NIPBL: variants seen among roughly 807,000 people sequenced by gnomAD.
NIPBL encodes NIPBL cohesin loading factor, also known as nipped-B-like protein.
NIPBL carries 19 observed loss-of-function variants against 321.8 expected under a neutral mutation model. The ratio of observed to expected loss-of-function variants is 0.06; its 90% CI spans 0.04 to 0.09. NIPBL has a LOEUF of 0.09. Among genes scored for constraint, NIPBL ranks in the 10% least tolerant of loss-of-function variants. The pLI is 1.00. For missense variants in NIPBL, 2,210 were observed against 3,327.0 expected (o/e 0.66, Z 8.26); for synonymous variants, 1,106 against 1,114.1 (o/e 0.99, Z 0.14).
At chr5:37,046,330 T>C in intron 38 of NIPBL, 131 bp downstream of exon 38, 1 of 645,664 alleles carries the variant, frequency 1.5e-6, no homozygotes. Flanking sequence ...GTATAGAATG[T>C]AGGTCTGAGG....
chr5:37,015,989 A>AC (rs1748943028), intron 22 of NIPBL, 49 bp from the exon 23 acceptor site: 2 of 1,599,542 alleles, frequency 1.3e-6, no homozygotes, highest in African/African-American at 2.7e-5. Flanking sequence ...CAGATGACTG[A>AC]CATGTGTCAC....
chr5:36,980,994 T>G (rs937812224), intron 9 of NIPBL, among the ~76,000 whole-genome samples: 1 of 151,740 alleles, frequency 6.6e-6, no homozygotes, highest in Non-Finnish European at 1.5e-5. Flanking sequence ...GTGGTGGTTT[T>G]AGAGCCCTTA....
At chr5:36,981,320 G>T (rs1744110418) in intron 9 of NIPBL, among the ~76,000 whole-genome samples, 1 of 151,660 alleles carries the variant, frequency 6.6e-6, no homozygotes, top group Non-Finnish European at 1.5e-5. Flanking sequence ...TAGAATATTT[G>T]TGGAATTCAA....
chr5:36,941,921 T>G (rs1254392563), intron 1 of NIPBL, among the ~76,000 whole-genome samples: 1 of 152,108 alleles, frequency 6.6e-6, no homozygotes, highest in South Asian at 2.1e-4. Flanking sequence ...TAGAAAAAAA[T>G]ACATCCCTAA....
chr5:37,040,229 C>A (rs1752180612), intron 34 of NIPBL, among the ~76,000 whole-genome samples: 1 of 151,872 alleles, frequency 6.6e-6, no homozygotes, highest in African/African-American at 2.4e-5. Flanking sequence ...TTTAAAATGT[C>A]TTGTGCATTT....
intron 1 of NIPBL, among the ~76,000 whole-genome samples, chr5:36,887,938 A>G (rs1746039718): frequency 6.6e-6 from 1 of 152,178 alleles, no homozygotes; most frequent in South Asian, 2.1e-4. Flanking sequence ...TGTTTTCACT[A>G]TCAACTCATT....
At chr5:36,973,443 A>G (rs1204180295) in intron 8 of NIPBL, among the ~76,000 whole-genome samples, 1 of 151,642 alleles carries the variant, frequency 6.6e-6, no homozygotes, top group Non-Finnish European at 1.5e-5. Flanking sequence ...GATTTGCTGC[A>G]CCTATCAACC....
Position 36,953,281 on chromosome 5 carries a change from A to G in NIPBL, c.-79-337A>G, listed in dbSNP as rs529749454. On this transcript the variant is annotated intron_variant, in intron 1 of 46. Coordinates refer to ENST00000282516, the MANE Select transcript of NIPBL (RefSeq NM_133433.4). ...GTTGATCAAGTATTCCTTTCTAGCA[A>G]TCCAGCCTAGCAGTTAAGAAACAAA... 3.3e-5 allele frequency among the ~76,000 whole-genome samples: 5 copies of G among 152,338 alleles called. No individual in the cohort carries two copies. The South Asian group carries it at 1.0e-3, about 32-fold the overall frequency.
rs1259617961 is a variant in NIPBL, at chr5:36,976,409, T to G, written c.1495+7T>G. 1.3e-6 allele frequency: 2 copies of G among 1,592,888 alleles called. No individual in the cohort carries two copies. The highest frequency in any genetic ancestry group is 2.2e-5 in the South Asian group (2 of 91,000). The stretch of plus-strand genomic sequence containing the variant: ...AAAGAAGTTCAAGATAAAGGTAAAA[T>G]AATCTCATTATTACCACTTCATCAT... On this transcript the variant is annotated splice_region_variant and intron_variant, in intron 9 of 46. Transcript: ENST00000282516.
chr5:37,038,814 AACC>A lies in NIPBL; in HGVS notation c.6108+79_6108+81del, dbSNP rs1346610480. ...TTTAAATTTAGAGTTCACATGCGTC[AACC>A]ACATTCTCACTGACAGATCAACTGT... On this transcript the variant is annotated intron_variant, in intron 34 of 46. Coordinates refer to ENST00000282516, the MANE Select transcript of NIPBL (RefSeq NM_133433.4). 9.8e-6 allele frequency: 14 copies of A among 1,429,096 alleles called. No individual in the cohort carries two copies. The African/African-American group carries it at 1.3e-4, about 13-fold the overall frequency. The allele number at this position is 1,429,096 out of a possible 1,614,324, so 88.5% of individuals were successfully genotyped here. A position where few individuals can be genotyped will look rare whatever the true frequency, so the allele number is the denominator to read the frequency against.
At chr5:37,057,828 A>C (rs1039673485) in intron 43 of NIPBL, among the ~76,000 whole-genome samples, 2 of 152,126 alleles carry the variant, frequency 1.3e-5, no homozygotes, top group African/African-American at 4.8e-5. Context: ...TGAACCTTCC[A>C]TTGTTTCTGT....
chr5:37,028,311 T>C (rs1390633550), intron 32 of NIPBL, among the ~76,000 whole-genome samples: 1 of 151,154 alleles, frequency 6.6e-6, no homozygotes, highest in African/African-American at 2.4e-5. Context: ...TTTCTTTCTT[T>C]CTTCTTTTGT....
At chr5:36,992,757 T>TATTTATTC (rs1234587827) in intron 10 of NIPBL, among the ~76,000 whole-genome samples, 1 of 139,814 alleles carries the variant, frequency 7.2e-6, no homozygotes, top group African/African-American at 2.8e-5. Context: ...TTTATTTATT[T>TATTTATTC]ATTGAGATGG....
chr5:36,995,554 AC>A (rs1340356868), intron 10 of NIPBL, 67 bp from the exon 11 acceptor site: 1 of 1,025,868 alleles, frequency 9.7e-7, no homozygotes, highest in Non-Finnish European at 1.5e-6. Flanking sequence ...TATTATGCTA[AC>A]TTAGTTAAAA....
intron 21 of NIPBL, among the ~76,000 whole-genome samples, chr5:37,011,415 C>A (rs1019459299): frequency 1.2e-4 from 19 of 152,044 alleles, no homozygotes; most frequent in Non-Finnish European, 8.8e-5. Flanking sequence ...ATTAGCTGGT[C>A]ATGTTGTTGT....
intron 29 of NIPBL, among the ~76,000 whole-genome samples, 188 bp downstream of exon 29, chr5:37,022,578 A>C (rs1279535101): frequency 6.6e-6 from 1 of 152,252 alleles, no homozygotes; most frequent in Non-Finnish European, 1.5e-5. Context: ...ATATCATAAA[A>C]CAAATCATTG....
intron 1 of NIPBL, among the ~76,000 whole-genome samples, chr5:36,917,722 A>G (rs1330519175): frequency 3.3e-5 from 5 of 152,218 alleles, no homozygotes; most frequent in Non-Finnish European, 7.3e-5. Context: ...GAAGGGATTC[A>G]GTTTCAACTT....
At chr5:36,946,254 G>C (rs1346265971) in intron 1 of NIPBL, among the ~76,000 whole-genome samples, 1 of 151,836 alleles carries the variant, frequency 6.6e-6, no homozygotes, top group African/African-American at 2.4e-5. Flanking sequence ...TATGTTAACA[G>C]ATTTACCCTT....
intron 29 of NIPBL, 28 bp from the exon 30 acceptor site, chr5:37,024,557 A>G: frequency 6.3e-7 from 1 of 1,585,066 alleles, no homozygotes; most frequent in Non-Finnish European, 8.6e-7. Context: ...AATTTTTCTG[A>G]CTCTTAAAAA....
Sources: allele counts gnomAD v4.1 joint callset (sites outside exome capture counted in the v4.1 genomes callset), GRCh38; gene constraint gnomAD v4.1.1; transcripts MANE v1.5; gene names NCBI Gene and HGNC (gene_info 2026-07-23, HGNC 2026-07-21).